PTCHD4: variants seen among roughly 807,000 people sequenced by gnomAD.
PTCHD4 encodes patched domain-containing protein 4.
A neutral mutation model predicts 58.1 loss-of-function variants in PTCHD4; 33 were observed. The ratio of observed to expected loss-of-function variants is 0.57; its 90% confidence interval spans 0.43 to 0.76. PTCHD4 has a LOEUF of 0.76. Among genes scored for constraint, PTCHD4 ranks in the 30% least tolerant of loss-of-function variants. The pLI is 0.00. For missense variants in PTCHD4, 1,058 were observed against 1,027.1 expected (o/e 1.03, Z -0.41); for synonymous variants, 478 against 409.6 (o/e 1.17, Z -2.02).
chr6:48,011,455 A>G (rs142400124), intron 3 of PTCHD4, among the ~76,000 whole-genome samples: 1,543 of 151,738 alleles, frequency 0.01, 25 homozygotes, highest in African/African-American at 0.035. Flanking sequence ...TAAGTTCCTT[A>G]TAGATTCTGG....
At position 47,866,168 on chromosome 6, in the gene PTCHD4, C is replaced by T. The variant is rs998628367; in HGVS notation, c.*12135G>A. On this transcript the variant is annotated 3_prime_UTR_variant, in exon 5 of 5. Coordinates refer to ENST00000339488, the MANE Select transcript of PTCHD4 (RefSeq NM_001384253.1). ...ATATTCTAGTTATAGATGTCACAGA[C>T]GCTTTTGTCTTGTGACTTTTTAAAA... Among the ~76,000 whole-genome samples, 22 of 151,956 alleles carry T rather than the reference C, an allele frequency of 1.4e-4. No individual in the cohort carries two copies. The highest frequency in any genetic ancestry group is 3.4e-4 in the African/African-American group (14 of 41,506).
rs907538957 is a variant in PTCHD4 at position 47,878,095 on chromosome 6, A to T, written c.*208T>A. ...ACATCCAGAAACTTGTTTTTAGAGGAGAACAAGGTTGCAAATAACTTTTTC... is the reference window on the plus strand; with the variant it reads ...ACATCCAGAAACTTGTTTTTAGAGGTGAACAAGGTTGCAAATAACTTTTTC... On this transcript the variant is annotated 3_prime_UTR_variant, in exon 5 of 5. Transcript: ENST00000339488. 10 of 451,144 alleles carry T rather than the reference A, an allele frequency of 2.2e-5. No homozygotes were observed. In the Admixed American group the frequency reaches 3.1e-4, roughly 14 times the overall value. 27.9% of individuals were successfully genotyped at this position (451,144 alleles called of 1,614,324 possible).
intron 1 of PTCHD4, among the ~76,000 whole-genome samples, chr6:48,104,119 C>T (rs1271836019): frequency 2.0e-5 from 3 of 152,030 alleles, no homozygotes; most frequent in East Asian, 1.9e-4. Flanking sequence ...AGATACTCCT[C>T]GAGAAGAGCA....
At chr6:47,956,929 C>T (rs1365001879) in intron 4 of PTCHD4, among the ~76,000 whole-genome samples, 5 of 151,752 alleles carry the variant, frequency 3.3e-5, no homozygotes, top group South Asian at 2.1e-4. Flanking sequence ...TTTGGGAGGC[C>T]GAGGAGGGCA....
chr6:48,087,225 T>C (rs751007800), intron 1 of PTCHD4, among the ~76,000 whole-genome samples: 2 of 152,190 alleles, frequency 1.3e-5, no homozygotes, highest in Non-Finnish European at 2.9e-5. Context: ...TGTGACCATC[T>C]TTCAGTTTTT....
At chr6:47,891,002 G>GT (rs1214066719) in intron 4 of PTCHD4, 3 of 284,958 alleles carry the variant, frequency 1.1e-5, no homozygotes, top group African/African-American at 7.0e-5. Flanking sequence ...GAGGTCAGGA[G>GT]TTTGAGACCA....
intron 3 of PTCHD4, among the ~76,000 whole-genome samples, chr6:48,029,630 G>A (rs1371841009): frequency 3.3e-5 from 5 of 151,966 alleles, no homozygotes; most frequent in African/African-American, 4.8e-5. Flanking sequence ...AAGGTGAAAC[G>A]ATTGCTTTTT....
rs890132732 is a variant in PTCHD4, at chr6:47,876,766, G to C, written c.*1537C>G. Among the ~76,000 whole-genome samples the C allele has an allele frequency of 2.6e-5, 4 of 151,994 alleles. No homozygotes were observed. Among genetic ancestry groups the C allele is most frequent in the African/African-American group, 9.7e-5 (4 of 41,408 alleles). Reference sequence around the variant, plus strand: ...TTGGCATGGGAAAAGGCATTTTCTAGTAATTTCCTGTGACAGGAGGCACAG... The same window carrying C: ...TTGGCATGGGAAAAGGCATTTTCTACTAATTTCCTGTGACAGGAGGCACAG... On this transcript the variant is annotated 3_prime_UTR_variant, in exon 5 of 5. Coordinates refer to ENST00000339488, the MANE Select transcript of PTCHD4 (RefSeq NM_001384253.1).
At position 48,061,719 on chromosome 6, in the gene PTCHD4, T is replaced by C. The variant is rs918043428; in HGVS notation, c.417+6511A>G. 3.3e-5 allele frequency among the ~76,000 whole-genome samples: 5 copies of C among 152,210 alleles called. No homozygotes were observed. The East Asian group carries it at 7.7e-4, about 23-fold the overall frequency. ...TTAGAAAACAAACTGAAATTAATTA[T>C]GTGGCTTACAATGCAATTTGGCATG... On this transcript the variant is annotated intron_variant, in intron 3 of 4. Transcript: ENST00000339488.
At chr6:48,077,182 G>A (rs1765076656) in intron 1 of PTCHD4, among the ~76,000 whole-genome samples, 1 of 152,152 alleles carries the variant, frequency 6.6e-6, no homozygotes, top group African/African-American at 2.4e-5. Context: ...AGGCTTTGTT[G>A]TTTCATTTGT....
At chr6:47,909,783 C>A (rs983178590) in intron 4 of PTCHD4, among the ~76,000 whole-genome samples, 1 of 151,114 alleles carries the variant, frequency 6.6e-6, no homozygotes, top group Non-Finnish European at 1.5e-5. Flanking sequence ...TTTTCTTGGC[C>A]AAGTCCATTC....
chr6:48,079,310 A>T (rs1464742984), intron 1 of PTCHD4, among the ~76,000 whole-genome samples: 1 of 152,074 alleles, frequency 6.6e-6, no homozygotes, highest in Non-Finnish European at 1.5e-5. Flanking sequence ...GTTCCCTGAC[A>T]ATTCTCCCAT....
At chr6:47,991,986 T>G (rs1768295738) in intron 4 of PTCHD4, among the ~76,000 whole-genome samples, 1 of 152,054 alleles carries the variant, frequency 6.6e-6, no homozygotes, top group Non-Finnish European at 1.5e-5. Flanking sequence ...AAAATTATTT[T>G]GAAGGAACTA....
chr6:47,917,346 T>A (rs533171560), intron 4 of PTCHD4, among the ~76,000 whole-genome samples: 1 of 152,238 alleles, frequency 6.6e-6, no homozygotes, highest in South Asian at 2.1e-4. Flanking sequence ...ATTGAAAGCA[T>A]CATCAGTCAC....
At chr6:47,893,385 T>C (rs181194215) in intron 4 of PTCHD4, among the ~76,000 whole-genome samples, 2 of 152,312 alleles carry the variant, frequency 1.3e-5, no homozygotes, top group Admixed American at 6.5e-5. Context: ...AAAGGTTGTA[T>C]GTGTAGCAAC....
intron 4 of PTCHD4, among the ~76,000 whole-genome samples, chr6:47,916,367 T>C (rs1765243733): frequency 6.6e-6 from 1 of 152,010 alleles, no homozygotes; most frequent in Admixed American, 6.6e-5. Context: ...CTGACCCTCT[T>C]TGAGGGAATC....
At chr6:47,887,673 C>T (rs925950676) in intron 4 of PTCHD4, among the ~76,000 whole-genome samples, 2 of 152,248 alleles carry the variant, frequency 1.3e-5, no homozygotes, top group South Asian at 2.1e-4. Flanking sequence ...TAAGACACTC[C>T]TTTTGCCTGA....
At chr6:47,991,630 A>G (rs1181601100) in intron 4 of PTCHD4, among the ~76,000 whole-genome samples, 1 of 152,126 alleles carries the variant, frequency 6.6e-6, no homozygotes, top group Non-Finnish European at 1.5e-5. Flanking sequence ...AAGTTTAAAA[A>G]AAAAACTAAC....
intron 4 of PTCHD4, among the ~76,000 whole-genome samples, chr6:47,923,638 G>T (rs892181212): frequency 6.6e-6 from 1 of 152,162 alleles, no homozygotes; most frequent in South Asian, 2.1e-4. Context: ...AATGCAAAGA[G>T]CATGGATGAT....
Sources: gnomAD v4.1 joint callset for allele counts (sites outside exome capture counted in the v4.1 genomes callset) on GRCh38, gnomAD v4.1.1 for gene constraint, MANE v1.5 for transcripts, NCBI Gene and HGNC (gene_info 2026-07-23, HGNC 2026-07-21) for gene names.